The following HELZ variants were observed in gnomAD, a reference collection of about 807,000 sequenced individuals.
The protein encoded by HELZ is ATP-dependent RNA helicase with zinc finger domain.
A neutral mutation model predicts 218.2 loss-of-function variants in HELZ; 23 were observed. The observed-to-expected ratio is 0.11, with a 90% confidence interval of 0.08 to 0.15. The LOEUF (loss-of-function observed/expected upper bound fraction) is 0.15. Ranked by LOEUF, HELZ falls within the 10% of genes least tolerant of loss-of-function variation. The pLI, the probability that HELZ is intolerant of heterozygous loss-of-function variation, is 1.00. For synonymous variants in HELZ, 814 were observed against 829.4 expected, an observed-to-expected ratio of 0.98 and a Z score of 0.32; for missense variants, 1,813 against 2,353.7, an observed-to-expected ratio of 0.77 and a Z score of 4.75.
At chr17:67,196,698 C>T (rs953217684) in intron 7 of HELZ, among the ~76,000 whole-genome samples, 1 of 151,968 alleles carries the variant, frequency 6.6e-6, no homozygotes, top group Admixed American at 6.6e-5. Context: ...GGATGATTCA[C>T]CTAAGCACTT....
intron 17 of HELZ, among the ~76,000 whole-genome samples, chr17:67,156,955 G>T (rs1348699228): frequency 6.6e-6 from 1 of 152,172 alleles, no homozygotes; most frequent in Non-Finnish European, 1.5e-5. Flanking sequence ...CTCATGAAGG[G>T]CTTGGGCCAT....
Position 67,144,484 on chromosome 17 carries a change from T to TA in HELZ, c.2769+1258dup, listed in dbSNP as rs202236292. ...GTGATCTTTTAATACGAACAAATAT[T>TA]AAAAAAAAAAAAAAAACCTTTGAGT... is the stretch of plus-strand genomic sequence containing the variant. On this transcript the variant is annotated intron_variant, in intron 21 of 32. Transcript: ENST00000358691. Among the ~76,000 whole-genome samples, 1,165 of 129,294 alleles carry TA rather than the reference T, an allele frequency of 9.0e-3. 20 individuals are homozygous for TA. Among genetic ancestry groups the TA allele is most frequent in the Admixed American group, 0.042 (554 of 13,076 alleles). The allele number at this position is 129,294 out of a possible 152,430, so 84.8% of individuals were successfully genotyped here.
intron 27 of HELZ, among the ~76,000 whole-genome samples, chr17:67,119,222 G>A (rs1249370380): frequency 6.6e-6 from 1 of 152,118 alleles, no homozygotes; most frequent in African/African-American, 2.4e-5. Context: ...CTATTCATAA[G>A]GGCCAAAAAT....
In HELZ at chr17:67,245,147, C is replaced by A; in HGVS notation, c.-132+1G>T. The A allele has an allele frequency of 3.0e-6, 3 of 985,214 alleles. No homozygotes were observed. Among genetic ancestry groups the A allele is most frequent in the Non-Finnish European group, 3.6e-6 (3 of 829,918 alleles). 61.0% of individuals were successfully genotyped at this position (985,214 alleles called of 1,614,324 possible). ...CAGAGAAGGGGGAAGTCAGGACTTA[C>A]CTGTCATTACTTTCTACGCCATCTT... On this transcript the variant is annotated splice_donor_variant, in intron 1 of 32. Transcript: ENST00000358691. LOFTEE classifies it low-confidence loss of function (5UTR_SPLICE).
At position 67,098,879 on chromosome 17, in the gene HELZ, T is replaced by C. The variant is rs76448192; in HGVS notation, c.5241+8290A>G. The stretch of plus-strand genomic sequence containing the variant: ...TATGTGATTTAAATCCAGAAAACTA[T>C]AGGACATGCTAACTGACTGCAATGA... On this transcript the variant is annotated intron_variant, in intron 31 of 32. Transcript: ENST00000358691. Among the ~76,000 whole-genome samples the C allele has an allele frequency of 5.8e-3, 886 of 152,340 alleles. 11 individuals carry two copies. Among genetic ancestry groups the C allele is most frequent in the African/African-American group, 0.019 (796 of 41,574 alleles).
intron 12 of HELZ, chr17:67,179,579 T>C (rs528754808): frequency 1.3e-5 from 2 of 152,308 alleles, no homozygotes; most frequent in East Asian, 1.9e-4. Context: ...CAAATGACTG[T>C]TCAAGTTCTG....
At chr17:67,193,837 T>C in intron 9 of HELZ, 130 bp downstream of exon 9, 1 of 662,564 alleles carries the variant, frequency 1.5e-6, no homozygotes, top group Non-Finnish European at 2.6e-6. Context: ...CTTTTATTAC[T>C]TAATGATAAT....
At chr17:67,091,400 T>G (rs1360728966) in intron 31 of HELZ, among the ~76,000 whole-genome samples, 1 of 152,102 alleles carries the variant, frequency 6.6e-6, no homozygotes, top group Non-Finnish European at 1.5e-5. Flanking sequence ...ATATTTTAGG[T>G]AGTAATTAAA....
At chr17:67,182,121 G>A (rs1356812166) in intron 12 of HELZ, among the ~76,000 whole-genome samples, 5 of 152,144 alleles carry the variant, frequency 3.3e-5, no homozygotes, top group African/African-American at 1.2e-4. Context: ...CTTCAGCCTA[G>A]ATTAGGCTAA....
intron 3 of HELZ, among the ~76,000 whole-genome samples, chr17:67,222,489 G>C (rs2040773081): frequency 6.6e-6 from 1 of 152,120 alleles, no homozygotes; most frequent in African/African-American, 2.4e-5. Flanking sequence ...GAGAGGAAAT[G>C]ACTCAATTTA....
intron 11 of HELZ, 50 bp downstream of exon 11, chr17:67,189,539 T>A: frequency 8.3e-7 from 1 of 1,199,980 alleles, no homozygotes. Flanking sequence ...AAAAAAACGT[T>A]CAGAAAATTA....
chr17:67,162,317 T>C (rs944873331), intron 15 of HELZ, among the ~76,000 whole-genome samples: 2 of 152,172 alleles, frequency 1.3e-5, no homozygotes, highest in Non-Finnish European at 2.9e-5. Flanking sequence ...CCTTAAAAAA[T>C]GTAAAACCTT....
intron 4 of HELZ, among the ~76,000 whole-genome samples, 173 bp from the exon 5 acceptor site, chr17:67,216,108 CA>C (rs2040593126): frequency 6.6e-6 from 1 of 152,108 alleles, no homozygotes; most frequent in Non-Finnish European, 1.5e-5. Flanking sequence ...GGGCACTCTA[CA>C]AATAAACGTC....
Position 67,120,515 on chromosome 17 carries a change from T to C in HELZ, c.3728A>G (p.His1243Arg). The C allele has an allele frequency of 6.2e-7, 1 of 1,613,908 alleles. No homozygotes were observed. The highest frequency in any genetic ancestry group is 8.5e-7 in the Non-Finnish European group (1 of 1,179,906). ...ATAAGGAATAGGAGATCCTCGTCCATGTGTCTGTAATAGGTTCATGTTATA... is the reference window on the plus strand; with the variant it reads ...ATAAGGAATAGGAGATCCTCGTCCACGTGTCTGTAATAGGTTCATGTTATA... ...MAYNMNLLQT[H>R]GRGSPIPYGL... Residue 1243 changes from histidine (H) to arginine (R), a missense_variant, in exon 27 of 33, where the codon CAT becomes CGT. Physicochemically the swap from His to Arg is conservative, Grantham distance 29 (BLOSUM62 0). Transcript: ENST00000358691.
Position 67,135,946 on chromosome 17 carries a change from G to T in HELZ, c.3182+24C>A, listed in dbSNP as rs745307462. ...AATCATGTCACATTTCCCCTTTAAT[G>T]TCTCAACATTAACACATAATTACCT... On this transcript the variant is annotated intron_variant, in intron 23 of 32. Transcript: ENST00000358691. 2.3e-5 allele frequency: 36 copies of T among 1,549,530 alleles called. No homozygotes were observed. The South Asian group carries it at 3.7e-4, about 16-fold the overall frequency.
chr17:67,207,243 T>TG (rs1305540162), intron 5 of HELZ, among the ~76,000 whole-genome samples: 1 of 97,948 alleles, frequency 1.0e-5, no homozygotes, highest in East Asian at 3.1e-4. Context: ...TTTTTTGAGA[T>TG]GGAGTCTCGC....
In HELZ at chr17:67,203,410, G is replaced by A; in HGVS notation, c.281C>T (p.Ala94Val). ...LGEGLAKGED[A>V]FRAVLCCMQL... ...CATGCAGCAAAGCACTGCCCGAAAG[G>A]CATCTTCTCCCTTGGCCAGTCCTTC... The change falls in exon 6 of 33, where the codon GCC (alanine) becomes GTC (valine). Residue 94 changes from alanine to valine, a missense_variant. This residue lies in a region of HELZ where 714 missense variants were observed against 1,029.2 expected (regional missense o/e 0.69). Transcript: ENST00000358691. 1 of 1,614,072 alleles carries A rather than the reference G, an allele frequency of 6.2e-7. No individual in the cohort carries two copies. The highest frequency in any genetic ancestry group is 8.5e-7 in the Non-Finnish European group (1 of 1,179,954).
chr17:67,148,833 A>G, intron 19 of HELZ, 119 bp from the exon 20 acceptor site: 1 of 867,446 alleles, frequency 1.2e-6, no homozygotes, highest in Admixed American at 2.5e-5. Flanking sequence ...AACATGCTAA[A>G]TGCTGGGACA....
chr17:67,109,407 G>C lies in HELZ; in HGVS notation c.4198C>G (p.Gln1400Glu). The C allele has an allele frequency of 6.2e-7, 1 of 1,614,168 alleles. No individual in the cohort carries two copies. Among genetic ancestry groups the C allele is most frequent in the Non-Finnish European group, 8.5e-7 (1 of 1,180,040 alleles). The change falls in exon 29 of 33, where the codon CAG becomes GAG. Residue 1400 changes from glutamine (Q) to glutamate (E), a missense_variant. By Grantham distance (29) the Gln-to-Glu change is conservative (BLOSUM62 2). This residue lies in a region of HELZ where 938 missense variants were observed against 1,027.5 expected (regional missense o/e 0.91). Coordinates refer to ENST00000358691, the MANE Select transcript of HELZ (RefSeq NM_014877.4). ...QPNQIPPQPNQVVQQQSQLNQ... is the reference protein window; with the variant it reads ...QPNQIPPQPNEVVQQQSQLNQ... ...AACTGACTTTGCTGCTGGACTACCT[G>C]ATTTGGCTGAGGTGGTATCTGATTT...
Sources: allele counts gnomAD v4.1 joint callset (sites outside exome capture counted in the v4.1 genomes callset), GRCh38; gene constraint gnomAD v4.1.1; regional missense constraint gnomAD v4.1.1; transcripts MANE v1.5; gene names NCBI Gene and HGNC (gene_info 2026-07-23, HGNC 2026-07-21).